Variants in SMARCC1 observed in about 807,000 individuals in gnomAD.
SMARCC1 encodes the protein SWI/SNF complex subunit SMARCC1.
SMARCC1 carries 43 observed loss-of-function variants against 147.4 expected under a neutral mutation model. The observed-to-expected ratio is 0.29, with a 90% CI of 0.23 to 0.38. The LOEUF is 0.38. SMARCC1 is among the 10% of genes least tolerant of loss of function. The probability of loss-of-function intolerance (pLI) is 1.00; values close to 1 mark genes in which losing one functional copy is unlikely to be tolerated. For missense variants in SMARCC1, 1,119 were observed against 1,381.1 expected (o/e 0.81, Z 3.01); for synonymous variants, 495 against 484.4 (o/e 1.02, Z -0.29).
intron 21 of SMARCC1, among the ~76,000 whole-genome samples, chr3:47,651,445 C>T (rs1037221848): frequency 5.3e-5 from 8 of 152,036 alleles, no homozygotes; most frequent in Admixed American, 1.3e-4. Flanking sequence ...CCCCACCAAT[C>T]GAGCTATTAT....
At chr3:47,773,796 A>G (rs1428751097) in intron 1 of SMARCC1, among the ~76,000 whole-genome samples, 1 of 151,760 alleles carries the variant, frequency 6.6e-6, no homozygotes, top group East Asian at 1.9e-4. Flanking sequence ...ATGCCCGGCT[A>G]ATTTTGTTTG....
intron 25 of SMARCC1, among the ~76,000 whole-genome samples, chr3:47,619,336 C>T (rs2032693462): frequency 6.6e-6 from 1 of 152,232 alleles, no homozygotes; most frequent in African/African-American, 2.4e-5. Context: ...CTGTGATGTG[C>T]TACTTCTGTG....
chr3:47,681,122 C>A (rs2033639423), intron 14 of SMARCC1, among the ~76,000 whole-genome samples: 2 of 151,818 alleles, frequency 1.3e-5, no homozygotes, highest in Non-Finnish European at 2.9e-5. Context: ...AGATAAGAAG[C>A]CATAAGATAT....
At chr3:47,780,296 C>A (rs2035030822) in intron 1 of SMARCC1, among the ~76,000 whole-genome samples, 2 of 151,226 alleles carry the variant, frequency 1.3e-5, no homozygotes, top group African/African-American at 2.4e-5. Flanking sequence ...CTCAGCCTCC[C>A]GAGTAGCTGG....
intron 16 of SMARCC1, among the ~76,000 whole-genome samples, chr3:47,677,204 A>G (rs2033585407): frequency 6.6e-6 from 1 of 151,902 alleles, no homozygotes; most frequent in East Asian, 1.9e-4. Context: ...GGTTCAAGAG[A>G]TTCTCCTGCC....
At chr3:47,631,270 T>C (rs1421147068) in intron 24 of SMARCC1, among the ~76,000 whole-genome samples, 1 of 152,206 alleles carries the variant, frequency 6.6e-6, no homozygotes, top group African/African-American at 2.4e-5. Flanking sequence ...AATTACCATG[T>C]TGCCACGAAT....
intron 15 of SMARCC1, chr3:47,680,132 G>A: frequency 4.0e-6 from 1 of 251,562 alleles, no homozygotes; most frequent in Non-Finnish European, 7.5e-6. Context: ...AGAGATGGGA[G>A]GATCCTTTGA....
intron 2 of SMARCC1, among the ~76,000 whole-genome samples, chr3:47,764,417 A>G (rs2034811357): frequency 6.6e-6 from 1 of 152,202 alleles, no homozygotes. Context: ...AAAGATGAAA[A>G]AAGTAAAAAT....
chr3:47,703,884 C>A (rs1265010849), intron 10 of SMARCC1, among the ~76,000 whole-genome samples: 1 of 152,212 alleles, frequency 6.6e-6, no homozygotes, highest in Non-Finnish European at 1.5e-5. Context: ...GCAAGCTCCG[C>A]CTCCTGGGTT....
At chr3:47,704,557 G>A (rs767929662) in intron 10 of SMARCC1, among the ~76,000 whole-genome samples, 8 of 152,056 alleles carry the variant, frequency 5.3e-5, no homozygotes, top group Admixed American at 2.6e-4. Flanking sequence ...TTGACAGTGC[G>A]CTCCCTGCAA....
intron 15 of SMARCC1, among the ~76,000 whole-genome samples, chr3:47,678,782 G>A (rs367914143): frequency 6.6e-6 from 1 of 152,206 alleles, no homozygotes; most frequent in Non-Finnish European, 1.5e-5. Context: ...AGTTGTTAGA[G>A]AATATGTCCT....
intron 24 of SMARCC1, among the ~76,000 whole-genome samples, chr3:47,630,849 C>A (rs2032877681): frequency 6.6e-6 from 1 of 152,074 alleles, no homozygotes; most frequent in South Asian, 2.1e-4. Context: ...GATTCCTTGG[C>A]ACCAGGAGTT....
chr3:47,648,106 T>C (rs886647245), intron 21 of SMARCC1, among the ~76,000 whole-genome samples: 1 of 152,106 alleles, frequency 6.6e-6, no homozygotes, highest in Non-Finnish European at 1.5e-5. Flanking sequence ...GTGATTCTTA[T>C]GCCTCAGCCT....
intron 1 of SMARCC1, among the ~76,000 whole-genome samples, 198 bp downstream of exon 1, chr3:47,781,403 GGA>G (rs2035046130): frequency 6.6e-6 from 1 of 152,210 alleles, no homozygotes; most frequent in African/African-American, 2.4e-5. Context: ...TAGGCTCAGA[GGA>G]GAGAGCCCCG....
intron 1 of SMARCC1, among the ~76,000 whole-genome samples, chr3:47,778,212 A>AAAAAC (rs1553693292): frequency 0.015 from 1,761 of 120,982 alleles, 36 homozygotes; most frequent in Non-Finnish European, 0.02. Flanking sequence ...ACAAAAAACA[A>AAAAAC]AAAACAAAAA....
intron 21 of SMARCC1, among the ~76,000 whole-genome samples, chr3:47,652,470 T>A (rs2106723482): frequency 6.6e-6 from 1 of 152,272 alleles, no homozygotes; most frequent in Admixed American, 6.5e-5. Context: ...GTTCAATGAA[T>A]GAAAACCACA....
chr3:47,736,572 AGGCT>A (rs2034446764), intron 4 of SMARCC1, among the ~76,000 whole-genome samples: 1 of 152,086 alleles, frequency 6.6e-6, no homozygotes, highest in African/African-American at 2.4e-5. Flanking sequence ...GCTACTCGGG[AGGCT>A]GAGGCAGGAG....
chr3:47,708,961 A>G (rs1005807990), intron 9 of SMARCC1, among the ~76,000 whole-genome samples: 1 of 152,092 alleles, frequency 6.6e-6, no homozygotes, highest in Non-Finnish European at 1.5e-5. Context: ...TTGTTTCCTA[A>G]TATTTTTCCT....
chr3:47,633,777 T>TACACACACACACACACAC (rs1207095997), intron 24 of SMARCC1, among the ~76,000 whole-genome samples: 1 of 46,536 alleles, frequency 2.1e-5, no homozygotes, highest in African/African-American at 8.6e-5. Context: ...TATATATATA[T>TACACACACACACACACAC]ATACACACAC....
Sources: gnomAD v4.1 joint callset for allele counts (sites outside exome capture counted in the v4.1 genomes callset) on GRCh38, gnomAD v4.1.1 for gene constraint, MANE v1.5 for transcripts, NCBI Gene and HGNC (gene_info 2026-07-23, HGNC 2026-07-21) for gene names.